The following ATRNL1 variants were observed in gnomAD, a reference collection of about 807,000 sequenced individuals.
The protein encoded by ATRNL1 is attractin-like protein 1.
In ATRNL1, 95 loss-of-function variants were observed where a neutral mutation model predicts 182.7. That is an observed-to-expected ratio of 0.52 (90% CI 0.44 to 0.62). The LOEUF is 0.62. Ranked by LOEUF, ATRNL1 falls within the 20% of genes least tolerant of loss-of-function variation. The probability of loss-of-function intolerance (pLI) is 0.00; values close to 1 mark genes in which losing one functional copy is unlikely to be tolerated. For synonymous variants in ATRNL1, 576 were observed against 568.3 expected (o/e 1.01, Z -0.19); for missense variants, 1,471 against 1,679.5 (o/e 0.88, Z 2.17).
intron 28 of ATRNL1, among the ~76,000 whole-genome samples, chr10:115,897,135 A>C (rs1222466746): frequency 6.6e-6 from 1 of 152,228 alleles, no homozygotes; most frequent in Non-Finnish European, 1.5e-5. Flanking sequence ...ATACATACAT[A>C]CATACATACA....
chr10:115,273,653 G>C (rs1245820304), intron 13 of ATRNL1, among the ~76,000 whole-genome samples: 2 of 152,226 alleles, frequency 1.3e-5, no homozygotes, highest in Non-Finnish European at 2.9e-5. Context: ...CAGAACTTCA[G>C]CAGTCCTTTT....
chr10:115,642,382 G>T (rs1859308346), intron 26 of ATRNL1, among the ~76,000 whole-genome samples: 1 of 151,748 alleles, frequency 6.6e-6, no homozygotes, highest in South Asian at 2.1e-4. Flanking sequence ...AATTAATGTT[G>T]TCAGTCTTCC....
At chr10:115,371,378 G>T (rs1229744202) in intron 19 of ATRNL1, among the ~76,000 whole-genome samples, 5 of 152,140 alleles carry the variant, frequency 3.3e-5, no homozygotes, top group Admixed American at 6.5e-5. Flanking sequence ...CTCAATGCTG[G>T]CCTGTGAAAG....
chr10:115,592,980 G>C (rs1169972373), intron 26 of ATRNL1, among the ~76,000 whole-genome samples: 1 of 151,644 alleles, frequency 6.6e-6, no homozygotes, highest in African/African-American at 2.4e-5. Context: ...AGTCCATTTT[G>C]TGTCACTATA....
rs528670361 is a variant in ATRNL1, at chr10:115,202,787, G to A, written c.1349-12910G>A. 3.1e-3 allele frequency among the ~76,000 whole-genome samples: 451 copies of A among 146,862 alleles called. 2 individuals carry two copies. The highest frequency in any genetic ancestry group is 3.8e-3 in the Non-Finnish European group (253 of 66,938). ...GGATTCCCTCTTTTTCTATTGATTG[G>A]AATAGTTTCAGAAGGAATGGTACCA... On this transcript the variant is annotated intron_variant, in intron 8 of 28. Coordinates refer to ENST00000355044, the MANE Select transcript of ATRNL1 (RefSeq NM_207303.4).
chr10:115,784,043 C>T (rs1392308347), intron 27 of ATRNL1, among the ~76,000 whole-genome samples: 3 of 152,064 alleles, frequency 2.0e-5, no homozygotes, highest in Non-Finnish European at 4.4e-5. Flanking sequence ...AAAAATGATT[C>T]GGAGTCAGAA....
chr10:115,366,153 G>A (rs868977268), intron 19 of ATRNL1, among the ~76,000 whole-genome samples: 1 of 152,098 alleles, frequency 6.6e-6, no homozygotes, highest in Non-Finnish European at 1.5e-5. Context: ...GTGGGAGTCT[G>A]AGTCTCTTTG....
At chr10:115,694,777 T>C (rs1324989117) in intron 26 of ATRNL1, among the ~76,000 whole-genome samples, 2 of 152,104 alleles carry the variant, frequency 1.3e-5, no homozygotes, top group East Asian at 3.9e-4. Context: ...AGGCATTTTC[T>C]ATGACTAGTC....
At chr10:115,654,282 C>T (rs974063254) in intron 26 of ATRNL1, among the ~76,000 whole-genome samples, 2 of 151,316 alleles carry the variant, frequency 1.3e-5, no homozygotes, top group East Asian at 3.9e-4. Context: ...TGCAGTGGCG[C>T]GATCTTGGCT....
chr10:115,925,506 A>G (rs903121990), intron 28 of ATRNL1, among the ~76,000 whole-genome samples: 4 of 152,294 alleles, frequency 2.6e-5, no homozygotes, highest in Middle Eastern at 3.4e-3. Flanking sequence ...TGCTGTATTC[A>G]GGAGACCCAT....
In ATRNL1 at chr10:115,625,049, G is replaced by A. The variant is rs543391616; in HGVS notation, c.3795+75513G>A. Among the ~76,000 whole-genome samples, 5 of 152,222 alleles carry A rather than the reference G, an allele frequency of 3.3e-5. No individual in the cohort carries two copies. In the East Asian group the frequency reaches 7.7e-4, roughly 24 times the overall value. ...GGATACTTTGTGGAAGGGAGGTTGCGAAACAAGCAGTGTAGACTGGCAGAA... is the reference window on the plus strand; with the variant it reads ...GGATACTTTGTGGAAGGGAGGTTGCAAAACAAGCAGTGTAGACTGGCAGAA... On this transcript the variant is annotated intron_variant, in intron 26 of 28. Transcript: ENST00000355044.
intron 4 of ATRNL1, among the ~76,000 whole-genome samples, 177 bp from the exon 5 acceptor site, chr10:115,129,150 T>C (rs944912413): frequency 6.6e-5 from 10 of 152,150 alleles, no homozygotes; most frequent in African/African-American, 2.4e-4. Flanking sequence ...AAATAAATAC[T>C]AACAATTTCA....
At chr10:115,426,760 T>C (rs1421495789) in intron 21 of ATRNL1, among the ~76,000 whole-genome samples, 2 of 152,196 alleles carry the variant, frequency 1.3e-5, no homozygotes, top group South Asian at 2.1e-4. Context: ...GTCTTGCTCT[T>C]GTCGCCCAGG....
chr10:115,093,736 GGGGCGCCGGGGAAGATGGAGACT>G lies in ATRNL1; in HGVS notation c.-11_12del. 1 of 1,413,920 alleles carries G rather than the reference GGGGCGCCGGGGAAGATGGAGACT, an allele frequency of 7.1e-7. No homozygotes were observed. The highest frequency in any genetic ancestry group is 9.2e-7 in the Non-Finnish European group (1 of 1,091,486). The allele number at this position is 1,413,920 out of a possible 1,614,324, so 87.6% of individuals were successfully genotyped here. The stretch of plus-strand genomic sequence containing the variant: ...CCCGCGAGCGCAGTCTCGCCGGGCA[GGGGCGCCGGGGAAGATGGAGACT>G]GGGGGCCGGGCCCGCACTGGTACCC... On this transcript the variant is annotated start_lost and 5_prime_UTR_variant, in exon 1 of 29. Coordinates refer to ENST00000355044, the MANE Select transcript of ATRNL1 (RefSeq NM_207303.4). This position sits in a 1 kb window ranked among gnomAD's most constrained non-coding sequence, Gnocchi z 6.1.
At chr10:115,299,003 A>G (rs2133971685) in intron 15 of ATRNL1, among the ~76,000 whole-genome samples, 1 of 152,128 alleles carries the variant, frequency 6.6e-6, no homozygotes, top group South Asian at 2.1e-4. Context: ...TAGAATAAAT[A>G]CTGGATATAA....
rs931429239 is a variant in ATRNL1, at chr10:115,931,778, C to A, written c.4019-12880C>A. On this transcript the variant is annotated intron_variant, in intron 28 of 28. Coordinates refer to ENST00000355044, the MANE Select transcript of ATRNL1 (RefSeq NM_207303.4). Reference sequence around the variant, plus strand: ...TTCTATCTCCATCCATCCCTTAACCCATCACGTTGCCATCCTGTGAGGAAC... The same window carrying A: ...TTCTATCTCCATCCATCCCTTAACCAATCACGTTGCCATCCTGTGAGGAAC... 2.0e-5 allele frequency among the ~76,000 whole-genome samples: 3 copies of A among 152,186 alleles called. No individual in the cohort carries two copies. The East Asian group carries it at 5.8e-4, about 29-fold the overall frequency.
At chr10:115,251,003 TG>T (rs557998388) in intron 10 of ATRNL1, among the ~76,000 whole-genome samples, 237 of 152,346 alleles carry the variant, frequency 1.6e-3, no homozygotes, top group African/African-American at 5.5e-3. Flanking sequence ...TCCATGTGAA[TG>T]CAAACTATTT....
At chr10:115,509,658 T>A (rs1850288678) in intron 24 of ATRNL1, among the ~76,000 whole-genome samples, 1 of 152,038 alleles carries the variant, frequency 6.6e-6, no homozygotes, top group Non-Finnish European at 1.5e-5. Flanking sequence ...TGTGGGTCTA[T>A]GAGCCAATTA....
chr10:115,386,966 A>G (rs1211077373), intron 19 of ATRNL1, among the ~76,000 whole-genome samples: 5 of 151,826 alleles, frequency 3.3e-5, no homozygotes, highest in African/African-American at 1.2e-4. Context: ...ACACATGCAC[A>G]CGTATGTTTA....
Sources: gnomAD v4.1 joint callset for allele counts (sites outside exome capture counted in the v4.1 genomes callset) on GRCh38, gnomAD v4.1.1 for gene constraint, Gnocchi (gnomAD v3.1) non-coding constraint, MANE v1.5 for transcripts, NCBI Gene and HGNC (gene_info 2026-07-23, HGNC 2026-07-21) for gene names.